CPNE4: variants seen among roughly 807,000 people sequenced by gnomAD.
CPNE4 encodes copine 4, also known as copine-4.
CPNE4 carries 25 observed loss-of-function variants against 67.9 expected under a neutral mutation model. The ratio of observed to expected loss-of-function variants is 0.37; its 90% CI spans 0.27 to 0.51. The LOEUF (loss-of-function observed/expected upper bound fraction) is 0.51. CPNE4 is among the 20% of genes least tolerant of loss of function. The pLI, the probability that CPNE4 is intolerant of heterozygous loss-of-function variation, is 0.93. For missense variants in CPNE4, 464 were observed against 690.8 expected (o/e 0.67, Z 3.68); for synonymous variants, 242 against 244.9 (o/e 0.99, Z 0.11).
At chr3:131,917,297 A>G (rs76338176) in intron 1 of CPNE4, among the ~76,000 whole-genome samples, 2 of 152,322 alleles carry the variant, frequency 1.3e-5, no homozygotes, top group Non-Finnish European at 2.9e-5. Flanking sequence ...TAGTGTTGCT[A>G]TGGATGAAAA....
intron 2 of CPNE4, among the ~76,000 whole-genome samples, chr3:131,851,997 C>T (rs2086259083): frequency 6.6e-6 from 1 of 151,992 alleles, no homozygotes; most frequent in Admixed American, 6.6e-5. Context: ...CCAGTCCACA[C>T]CATGGGAAGC....
rs149131518 is a variant in CPNE4 at position 131,604,808 on chromosome 3, A to T, written c.682-17226T>A. ...GTCTATTAGTTCTGTCCCTCTAGAG[A>T]ATCCTGACTAATACAGGGGTGATAT... On this transcript the variant is annotated intron_variant, in intron 7 of 15. Transcript: ENST00000429747. Among the ~76,000 whole-genome samples the T allele has an allele frequency of 2.3e-3, 354 of 152,078 alleles. 2 individuals are homozygous for T. The highest frequency in any genetic ancestry group is 8.2e-3 in the African/African-American group (338 of 41,470).
chr3:132,002,157 GCTTA>G (rs1440139405), intron 1 of CPNE4, among the ~76,000 whole-genome samples: 4 of 152,214 alleles, frequency 2.6e-5, no homozygotes, highest in Non-Finnish European at 4.4e-5. Context: ...CCCCATGTCT[GCTTA>G]CTTGAGTCCC....
chr3:131,934,609 T>C (rs1268657314), intron 1 of CPNE4, among the ~76,000 whole-genome samples: 1 of 152,070 alleles, frequency 6.6e-6, no homozygotes, highest in Non-Finnish European at 1.5e-5. Context: ...TTCCCCTCCC[T>C]GTGTCTATGT....
At chr3:131,729,603 C>T (rs915093321) in intron 2 of CPNE4, among the ~76,000 whole-genome samples, 1 of 152,168 alleles carries the variant, frequency 6.6e-6, no homozygotes, top group Non-Finnish European at 1.5e-5. Flanking sequence ...GCTGATGAGA[C>T]ATGGTTTTAA....
intron 2 of CPNE4, among the ~76,000 whole-genome samples, chr3:131,839,851 T>C (rs2085704575): frequency 6.6e-6 from 1 of 152,158 alleles, no homozygotes; most frequent in South Asian, 2.1e-4. Flanking sequence ...AGTTCTCAAT[T>C]CTATCACCTG....
rs1490070457 is a variant in CPNE4 at position 131,587,479 on chromosome 3, T to G, written c.780+5A>C. The G allele has an allele frequency of 6.2e-7, 1 of 1,610,938 alleles. No homozygotes were observed. Among genetic ancestry groups the G allele is most frequent in the South Asian group, 1.1e-5 (1 of 90,968 alleles). ...AGGCAAAACCAAAAGTGGTTGACCATGTACCTGTTTCCCTTCCATTGCTCC... is the reference window on the plus strand; with the variant it reads ...AGGCAAAACCAAAAGTGGTTGACCAGGTACCTGTTTCCCTTCCATTGCTCC... On this transcript the variant is annotated splice_donor_5th_base_variant and intron_variant, in intron 8 of 15. Transcript: ENST00000429747.
intron 2 of CPNE4, among the ~76,000 whole-genome samples, chr3:131,757,042 T>C (rs956669336): frequency 1.3e-5 from 2 of 152,144 alleles, no homozygotes; most frequent in Admixed American, 1.3e-4. Flanking sequence ...TTAAACCTCT[T>C]TTTCTTCCCA....
In CPNE4 at chr3:131,723,778, C is replaced by A. The variant is rs547594256; in HGVS notation, c.181-153G>T. On this transcript the variant is annotated intron_variant, in intron 2 of 15. Coordinates refer to ENST00000429747, the MANE Select transcript of CPNE4 (RefSeq NM_130808.3). ...GCAGTCCAAAAGTACAAAGTACAGG[C>A]AATACCTTCAGAGAATGAGACGAGT... 3.0e-5 allele frequency: 18 copies of A among 596,274 alleles called. No homozygotes were observed. In the African/African-American group the frequency reaches 3.3e-4, roughly 11 times the overall value. 36.9% of individuals were successfully genotyped at this position (596,274 alleles called of 1,614,324 possible).
intron 2 of CPNE4, among the ~76,000 whole-genome samples, chr3:131,754,577 G>A (rs902947267): frequency 6.6e-6 from 1 of 152,160 alleles, no homozygotes; most frequent in African/African-American, 2.4e-5. Context: ...TGTTGGAATA[G>A]ATTCTGATTC....
At chr3:131,563,676 TGTGGAGTGG>T (rs2107663994) in intron 11 of CPNE4, among the ~76,000 whole-genome samples, 1 of 152,158 alleles carries the variant, frequency 6.6e-6, no homozygotes, top group Admixed American at 6.6e-5. Context: ...CAGGCTAAGC[TGTGGAGTGG>T]GTAGACCTGG....
chr3:131,801,273 C>T (rs913263763), intron 2 of CPNE4, among the ~76,000 whole-genome samples: 8 of 149,126 alleles, frequency 5.4e-5, no homozygotes, highest in South Asian at 2.1e-4. Context: ...AAATAGGGTC[C>T]GCTTTGTTTT....
intron 2 of CPNE4, among the ~76,000 whole-genome samples, chr3:131,740,445 C>T (rs949006151): frequency 3.9e-5 from 6 of 152,150 alleles, no homozygotes; most frequent in South Asian, 2.1e-4. Context: ...CCTCCCATGC[C>T]GTTCTTCTAG....
At chr3:131,731,694 A>G (rs1029488232) in intron 2 of CPNE4, among the ~76,000 whole-genome samples, 1 of 152,046 alleles carries the variant, frequency 6.6e-6, no homozygotes, top group Admixed American at 6.6e-5. Flanking sequence ...TCATGGTCCA[A>G]ACTAGCCACA....
At chr3:131,974,466 T>G (rs1257823130) in intron 1 of CPNE4, among the ~76,000 whole-genome samples, 1 of 152,212 alleles carries the variant, frequency 6.6e-6, no homozygotes, top group Non-Finnish European at 1.5e-5. Flanking sequence ...ACACTCAGCT[T>G]AAATGACTCT....
chr3:131,855,765 G>T (rs1368230710), intron 2 of CPNE4, among the ~76,000 whole-genome samples: 2 of 151,610 alleles, frequency 1.3e-5, no homozygotes, highest in African/African-American at 4.8e-5. Flanking sequence ...AATTTGTTTG[G>T]GTCTCTGCTT....
At chr3:132,033,080 T>C (rs1416155984) in intron 1 of CPNE4, among the ~76,000 whole-genome samples, 1 of 152,242 alleles carries the variant, frequency 6.6e-6, no homozygotes, top group Non-Finnish European at 1.5e-5. Context: ...TAGAAGAGTA[T>C]GGAGAAAAGA....
chr3:132,020,776 C>G (rs1178024643), intron 1 of CPNE4, among the ~76,000 whole-genome samples: 3 of 152,174 alleles, frequency 2.0e-5, no homozygotes, highest in Non-Finnish European at 4.4e-5. Context: ...GCACTCACAG[C>G]AGGTCATCAC....
intron 1 of CPNE4, among the ~76,000 whole-genome samples, chr3:131,945,881 C>T (rs1012833124): frequency 4.7e-4 from 71 of 152,246 alleles, no homozygotes; most frequent in African/African-American, 1.6e-3. Flanking sequence ...ACACTGCCCG[C>T]GTGGAGGCCA....
Sources: gnomAD v4.1 joint callset for allele counts (sites outside exome capture counted in the v4.1 genomes callset) on GRCh38, gnomAD v4.1.1 for gene constraint, MANE v1.5 for transcripts, NCBI Gene and HGNC (gene_info 2026-07-23, HGNC 2026-07-21) for gene names.